PIK3AP1: variants seen among roughly 807,000 people sequenced by gnomAD.
The protein encoded by PIK3AP1 is phosphoinositide-3-kinase adaptor protein 1.
In PIK3AP1, 21 loss-of-function variants were observed where a neutral mutation model predicts 88.1. The observed-to-expected ratio is 0.24, with a 90% CI of 0.17 to 0.34. The LOEUF (loss-of-function observed/expected upper bound fraction) is 0.34. Among genes scored for constraint, PIK3AP1 ranks in the 10% least tolerant of loss-of-function variants. PIK3AP1 has a pLI of 1.00. For synonymous variants in PIK3AP1, 398 were observed against 400.0 expected (o/e 1.00, Z 0.06); for missense variants, 828 against 1,035.7 (o/e 0.80, Z 2.75).
In PIK3AP1 at chr10:96,645,467, A is replaced by G. The variant is rs1326608306; in HGVS notation, c.1375+6T>C. 1.2e-6 allele frequency: 2 copies of G among 1,612,170 alleles called. No homozygotes were observed. The highest frequency in any genetic ancestry group is 1.7e-6 in the Non-Finnish European group (2 of 1,179,414). On this transcript the variant is annotated splice_donor_region_variant and intron_variant, in intron 8 of 16. Transcript: ENST00000339364. ...GGTGGAAGCAGAACTGGGTTGTGCTACTTACAGAGGTCTTCAGTGGCAGCT... is the reference window on the plus strand; with the variant it reads ...GGTGGAAGCAGAACTGGGTTGTGCTGCTTACAGAGGTCTTCAGTGGCAGCT...
intron 2 of PIK3AP1, among the ~76,000 whole-genome samples, chr10:96,679,258 T>G (rs983779601): frequency 2.6e-5 from 4 of 152,192 alleles, no homozygotes; most frequent in African/African-American, 7.2e-5. Flanking sequence ...CTGGGTGCAG[T>G]GGCTCCTGTC....
intron 2 of PIK3AP1, among the ~76,000 whole-genome samples, chr10:96,706,411 A>T (rs1844365009): frequency 6.6e-6 from 1 of 152,212 alleles, no homozygotes; most frequent in Non-Finnish European, 1.5e-5. Context: ...TAGGGAATGT[A>T]CCTAAGGACA....
chr10:96,684,444 TCAGTGAGA>T (rs1205366140), intron 2 of PIK3AP1, among the ~76,000 whole-genome samples: 1 of 152,224 alleles, frequency 6.6e-6, no homozygotes, highest in Non-Finnish European at 1.5e-5. Context: ...AAGGCCCAGC[TCAGTGAGA>T]CAAGATGTCT....
intron 7 of PIK3AP1, among the ~76,000 whole-genome samples, chr10:96,647,169 T>G (rs189790674): frequency 6.0e-4 from 92 of 152,342 alleles, no homozygotes; most frequent in African/African-American, 2.1e-3. Context: ...TGACCTAGAT[T>G]GACTTCGGCA....
intron 2 of PIK3AP1, among the ~76,000 whole-genome samples, chr10:96,663,627 C>CAAAAAAAA (rs373081849): frequency 4.7e-5 from 2 of 42,986 alleles, no homozygotes; most frequent in African/African-American, 8.5e-5. Flanking sequence ...GAGACTCCGT[C>CAAAAAAAA]AAAAAAAAAA....
rs1340119520 is a variant in PIK3AP1, at chr10:96,698,048, T to G, written c.430+11519A>C. On this transcript the variant is annotated intron_variant, in intron 2 of 16. Coordinates refer to ENST00000339364, the MANE Select transcript of PIK3AP1 (RefSeq NM_152309.3). ...GAGGTCTGGATGGTATTCCATTGCA[T>G]AGATGCAACAATAATCTATTTAACT... 3.3e-5 allele frequency among the ~76,000 whole-genome samples: 5 copies of G among 152,338 alleles called. No homozygotes were observed. The East Asian group carries it at 9.6e-4, about 29-fold the overall frequency.
In PIK3AP1 at chr10:96,717,519, G is replaced by A. The variant is rs536820248; in HGVS notation, c.13+2863C>T. Among the ~76,000 whole-genome samples, 14 of 152,238 alleles carry A rather than the reference G, an allele frequency of 9.2e-5. No individual in the cohort carries two copies. In the South Asian group the frequency reaches 2.9e-3, roughly 32 times the overall value. On this transcript the variant is annotated intron_variant, in intron 1 of 16. Transcript: ENST00000339364. ...CAGAAGTTGTTCAAATTTAGGTACTGGCAAGAGTATTGAGAGGCCTCAAGG... is the reference window on the plus strand; with the variant it reads ...CAGAAGTTGTTCAAATTTAGGTACTAGCAAGAGTATTGAGAGGCCTCAAGG...
chr10:96,709,479 C>T (rs1844408939), intron 2 of PIK3AP1, 88 bp downstream of exon 2: 5 of 1,437,126 alleles, frequency 3.5e-6, no homozygotes, highest in Non-Finnish European at 4.7e-6. Flanking sequence ...ATAGTGAGAT[C>T]CCCGCTCATT....
intron 10 of PIK3AP1, among the ~76,000 whole-genome samples, chr10:96,625,161 C>G (rs35158237): frequency 0.085 from 12,868 of 152,206 alleles, 687 homozygotes; most frequent in Non-Finnish European, 0.13. Context: ...CCGGAGGATG[C>G]AAGTAAGCTG....
chr10:96,707,361 C>T lies in PIK3AP1; in HGVS notation c.430+2206G>A, dbSNP rs186224680. Among the ~76,000 whole-genome samples the T allele has an allele frequency of 3.9e-3, 589 of 152,312 alleles. 2 individuals carry two copies. Among genetic ancestry groups the T allele is most frequent in the Middle Eastern group, 0.01 (3 of 294 alleles). On this transcript the variant is annotated intron_variant, in intron 2 of 16. Coordinates refer to ENST00000339364, the MANE Select transcript of PIK3AP1 (RefSeq NM_152309.3). ...AGGCTGGAGTGCAGTGGCACAATTT[C>T]GGCTCACTGCAACCTCCGCCTCCCG...
At chr10:96,623,064 TA>T (rs907640754) in intron 11 of PIK3AP1, among the ~76,000 whole-genome samples, 2 of 152,162 alleles carry the variant, frequency 1.3e-5, no homozygotes, top group Non-Finnish European at 1.5e-5. Flanking sequence ...CACTTTCCAC[TA>T]ATTAAGGTCC....
intron 2 of PIK3AP1, among the ~76,000 whole-genome samples, chr10:96,663,503 G>A (rs886147338): frequency 6.6e-6 from 1 of 151,578 alleles, no homozygotes; most frequent in Non-Finnish European, 1.5e-5. Context: ...GGTGGTATAC[G>A]CCTGTAATCC....
chr10:96,608,524 C>G (rs36098523), intron 14 of PIK3AP1, among the ~76,000 whole-genome samples: 31,209 of 152,172 alleles, frequency 0.21, 3,518 homozygotes, highest in Admixed American at 0.31. Context: ...AGGATCTACT[C>G]GCACCTTTGC....
intron 2 of PIK3AP1, among the ~76,000 whole-genome samples, chr10:96,667,862 C>A (rs925516100): frequency 1.3e-5 from 2 of 152,166 alleles, no homozygotes; most frequent in Non-Finnish European, 2.9e-5. Context: ...TCTCCTTTTG[C>A]GCCATAGAGG....
intron 2 of PIK3AP1, among the ~76,000 whole-genome samples, chr10:96,704,396 C>G (rs977369277): frequency 6.6e-6 from 1 of 152,176 alleles, no homozygotes; most frequent in African/African-American, 2.4e-5. Flanking sequence ...GGACCAGCAG[C>G]ATCAGCATCA....
chr10:96,634,209 G>T (rs1258853092), intron 8 of PIK3AP1, among the ~76,000 whole-genome samples: 1 of 152,174 alleles, frequency 6.6e-6, no homozygotes, highest in Non-Finnish European at 1.5e-5. Flanking sequence ...AAAGCCAGAC[G>T]ATCCGAGGCA....
chr10:96,670,165 AAAAAAAAAAG>A (rs1336419206), intron 2 of PIK3AP1, among the ~76,000 whole-genome samples: 1 of 151,194 alleles, frequency 6.6e-6, no homozygotes, highest in South Asian at 2.1e-4. Flanking sequence ...CAAAAAAAAA[AAAAAAAAAAG>A]AGAGAGAGAG....
At chr10:96,691,001 T>G (rs1844146778) in intron 2 of PIK3AP1, among the ~76,000 whole-genome samples, 1 of 152,142 alleles carries the variant, frequency 6.6e-6, no homozygotes, top group Non-Finnish European at 1.5e-5. Context: ...AAATGAGAAG[T>G]GAAGAGGTAA....
intron 2 of PIK3AP1, among the ~76,000 whole-genome samples, chr10:96,687,281 A>G (rs1019711010): frequency 5.5e-5 from 7 of 127,688 alleles, no homozygotes; most frequent in Admixed American, 2.2e-4. Context: ...AAAAAAAAAA[A>G]AAAAGAAAAA....
Sources: allele counts gnomAD v4.1 joint callset (sites outside exome capture counted in the v4.1 genomes callset), GRCh38; gene constraint gnomAD v4.1.1; transcripts MANE v1.5; gene names NCBI Gene and HGNC (gene_info 2026-07-23, HGNC 2026-07-21).